UBR3: variants seen among roughly 807,000 people sequenced by gnomAD.
UBR3 encodes the protein ubiquitin protein ligase E3 component n-recognin 3.
UBR3 carries 85 observed loss-of-function variants against 243.2 expected under a neutral mutation model. The ratio of observed to expected loss-of-function variants is 0.35; its 90% CI spans 0.29 to 0.42. The LOEUF (loss-of-function observed/expected upper bound fraction) is 0.42, where lower values mean the gene tolerates loss of function less well. UBR3 is among the 10% of genes least tolerant of loss of function. UBR3 has a pLI of 1.00. For missense variants in UBR3, 1,686 were observed against 2,300.8 expected (o/e 0.73, Z 5.47); for synonymous variants, 748 against 799.8 (o/e 0.94, Z 1.09).
At chr2:169,847,773 G>A (rs939027488) in intron 1 of UBR3, among the ~76,000 whole-genome samples, 1 of 152,112 alleles carries the variant, frequency 6.6e-6, no homozygotes, top group African/African-American at 2.4e-5. Context: ...TTGGCTGATG[G>A]GAACAGACAC....
chr2:169,913,254 A>G (rs73013712), intron 10 of UBR3, among the ~76,000 whole-genome samples: 6,821 of 151,278 alleles, frequency 0.045, 181 homozygotes, highest in Middle Eastern at 0.069. Flanking sequence ...GCATTTTCCT[A>G]TGATGTTGAG....
At position 169,881,905 on chromosome 2, in the gene UBR3, GTA is replaced by G. The variant is rs2083863213; in HGVS notation, c.1038+3335_1038+3336del. Among the ~76,000 whole-genome samples the G allele has an allele frequency of 7.0e-5, 3 of 42,832 alleles. No individual in the cohort carries two copies. The Admixed American group carries it at 9.2e-4, about 13-fold the overall frequency. 28.1% of individuals were successfully genotyped at this position (42,832 alleles called of 152,430 possible). On this transcript the variant is annotated intron_variant, in intron 5 of 38. Transcript: ENST00000272793. ...TATATGTGTACATGTATACATATAG[GTA>G]TATGTATATGTATACATGTATACAT...
chr2:170,077,920 C>A, intron 36 of UBR3: 1 of 518,192 alleles, frequency 1.9e-6, no homozygotes, highest in Non-Finnish European at 3.6e-6. Context: ...CTGTATCTCC[C>A]TGGGCAAGTT....
intron 17 of UBR3, among the ~76,000 whole-genome samples, chr2:169,927,973 AT>A (rs1362232788): frequency 6.6e-6 from 1 of 152,222 alleles, no homozygotes; most frequent in African/African-American, 2.4e-5. Context: ...TTACACAAAG[AT>A]TATCAAGTAA....
At chr2:169,932,076 A>ATTTT (rs140968517) in intron 18 of UBR3, among the ~76,000 whole-genome samples, 7 of 145,912 alleles carry the variant, frequency 4.8e-5, no homozygotes, top group Non-Finnish European at 7.5e-5. Context: ...TAGCTCATTA[A>ATTTT]TTTTTTTTTT....
At chr2:169,841,457 C>A (rs1166500368) in intron 1 of UBR3, among the ~76,000 whole-genome samples, 2 of 152,246 alleles carry the variant, frequency 1.3e-5, no homozygotes, top group Non-Finnish European at 1.5e-5. Context: ...TTAGCCCCCC[C>A]ACTGCACTGT....
At chr2:169,966,274 G>A (rs1221512876) in intron 24 of UBR3, among the ~76,000 whole-genome samples, 1 of 152,144 alleles carries the variant, frequency 6.6e-6, no homozygotes, top group African/African-American at 2.4e-5. Flanking sequence ...GATAGGTATA[G>A]CTGAAATGCA....
chr2:169,846,758 C>T (rs1338773793), intron 1 of UBR3, among the ~76,000 whole-genome samples: 2 of 151,698 alleles, frequency 1.3e-5, no homozygotes, highest in Admixed American at 1.3e-4. Flanking sequence ...TTGGAGACAG[C>T]ATCTCACCCT....
At chr2:170,005,286 A>C (rs2089872840) in intron 27 of UBR3, among the ~76,000 whole-genome samples, 1 of 152,182 alleles carries the variant, frequency 6.6e-6, no homozygotes, top group Non-Finnish European at 1.5e-5. Flanking sequence ...AGTGCTTCCT[A>C]GGATGTAGAG....
Position 170,080,694 on chromosome 2 carries a change from T to C in UBR3, c.5549+10T>C. On this transcript the variant is annotated intron_variant, in intron 38 of 38. Coordinates refer to ENST00000272793, the MANE Select transcript of UBR3 (RefSeq NM_172070.4). The stretch of plus-strand genomic sequence containing the variant: ...AAGACCGGGATCTTAGGTTAGATGT[T>C]CATGGATATATCCAGGTGTTTTATT... 2 of 1,613,400 alleles carry C rather than the reference T, an allele frequency of 1.2e-6. No homozygotes were observed. The highest frequency in any genetic ancestry group is 8.5e-7 in the Non-Finnish European group (1 of 1,179,660).
chr2:169,973,394 T>C (rs924222595), intron 24 of UBR3, among the ~76,000 whole-genome samples: 5 of 148,126 alleles, frequency 3.4e-5, no homozygotes, highest in Non-Finnish European at 6.0e-5. Flanking sequence ...ATGCCTTTCT[T>C]CACAGAATTG....
intron 36 of UBR3, among the ~76,000 whole-genome samples, chr2:170,076,615 T>C (rs1253033424): frequency 6.6e-6 from 1 of 152,208 alleles, no homozygotes; most frequent in African/African-American, 2.4e-5. Context: ...AGATATATGA[T>C]ACAGTAAGCA....
intron 25 of UBR3, among the ~76,000 whole-genome samples, chr2:169,987,221 C>T (rs549312101): frequency 1.4e-4 from 21 of 151,650 alleles, no homozygotes; most frequent in African/African-American, 4.6e-4. Flanking sequence ...GGTGAAACCC[C>T]GTCTCTACTA....
intron 1 of UBR3, among the ~76,000 whole-genome samples, chr2:169,842,536 C>T (rs555644042): frequency 6.6e-6 from 1 of 152,194 alleles, no homozygotes; most frequent in East Asian, 1.9e-4. Flanking sequence ...TGGGTCCACG[C>T]TGCTTTTATG....
At chr2:169,954,220 C>T (rs1574276934) in intron 23 of UBR3, among the ~76,000 whole-genome samples, 1 of 150,448 alleles carries the variant, frequency 6.6e-6, no homozygotes, top group Non-Finnish European at 1.5e-5. Context: ...CTTGTCTTGT[C>T]TTGTCTTCTC....
chr2:170,053,742 T>G (rs1365982972), intron 32 of UBR3, among the ~76,000 whole-genome samples: 1 of 152,166 alleles, frequency 6.6e-6, no homozygotes, highest in Non-Finnish European at 1.5e-5. Flanking sequence ...GGTGATTATT[T>G]TAATGGGGAA....
intron 4 of UBR3, 30 bp from the exon 5 acceptor site, chr2:169,878,495 A>T (rs1484582942): frequency 5.2e-6 from 8 of 1,542,420 alleles, no homozygotes; most frequent in Admixed American, 4.0e-5. Context: ...AGCAACTATG[A>T]AGGACAACTA....
intron 30 of UBR3, among the ~76,000 whole-genome samples, chr2:170,021,625 T>C (rs2090394855): frequency 6.6e-6 from 1 of 152,170 alleles, no homozygotes; most frequent in Non-Finnish European, 1.5e-5. Context: ...TTCAGTCCAT[T>C]GCAGTTTTTT....
intron 1 of UBR3, among the ~76,000 whole-genome samples, chr2:169,835,843 C>T (rs2082066486): frequency 6.6e-6 from 1 of 151,784 alleles, no homozygotes; most frequent in Admixed American, 6.6e-5. Flanking sequence ...TACCTTTGTA[C>T]TTACCATTGA....
Sources: gnomAD v4.1 joint callset for allele counts (sites outside exome capture counted in the v4.1 genomes callset) on GRCh38, gnomAD v4.1.1 for gene constraint, MANE v1.5 for transcripts, NCBI Gene and HGNC (gene_info 2026-07-23, HGNC 2026-07-21) for gene names.